The following THBS4 variants were observed in gnomAD, a reference collection of about 807,000 sequenced individuals.
THBS4 encodes thrombospondin-4.
Under a neutral mutation model 115.7 loss-of-function variants are expected in THBS4, and 90 were observed. The observed-to-expected ratio is 0.78, with a 90% confidence interval of 0.66 to 0.93. The LOEUF (loss-of-function observed/expected upper bound fraction) is 0.93. THBS4 is among the 40% of genes least tolerant of loss of function. The pLI is 0.00. For synonymous variants in THBS4, 460 were observed against 479.3 expected (o/e 0.96, Z 0.53); for missense variants, 1,087 against 1,232.7 (o/e 0.88, Z 1.77).
rs1743250743 is a variant in THBS4, at chr5:80,076,990, G to GC, written c.2033dup (p.Gly679TrpfsTer16). On this transcript the variant is annotated frameshift_variant, in exon 16 of 22. Transcript: ENST00000350881. LOFTEE classifies it high-confidence loss of function. ...ACAATGATGGTATCCCAGACCTGGT[G>GC]CCCCCTGGACCAGACAACTGCCGGC... is the stretch of plus-strand genomic sequence containing the variant. 1 of 1,613,386 alleles carries GC rather than the reference G, an allele frequency of 6.2e-7. No individual in the cohort carries two copies. Among genetic ancestry groups the GC allele is most frequent in the Non-Finnish European group, 8.5e-7 (1 of 1,179,736 alleles).
intron 2 of THBS4, among the ~76,000 whole-genome samples, chr5:80,051,865 G>A (rs1247709871): frequency 6.6e-6 from 1 of 152,140 alleles, no homozygotes. Context: ...ACCCTGTGAA[G>A]CCCTGTTAAA....
chr5:80,083,055 C>G lies in THBS4; in HGVS notation c.2825-25C>G, dbSNP rs756395381. ...CCGGGGTGGAAGGAGCCTCGCTAAC[C>G]TCCCTGTGCCCATTCCTATTGCAGA... On this transcript the variant is annotated intron_variant, in intron 21 of 21. Transcript: ENST00000350881. 9.4e-5 allele frequency: 152 copies of G among 1,609,954 alleles called. No individual in the cohort carries two copies. In the East Asian group the frequency reaches 3.3e-3, roughly 35 times the overall value.
Position 80,055,865 on chromosome 5 carries a change from C to T in THBS4, c.373C>T (p.His125Tyr), listed in dbSNP as rs1178260688. 7 of 1,614,192 alleles carry T rather than the reference C, an allele frequency of 4.3e-6. No individual in the cohort carries two copies. Among genetic ancestry groups the T allele is most frequent in the Non-Finnish European group, 5.1e-6 (6 of 1,180,010 alleles). Residue 125 changes from histidine to tyrosine, a missense_variant, in exon 3 of 22, where the codon CAC (histidine) becomes TAC (tyrosine). Physicochemically the swap from His to Tyr is moderately conservative, Grantham distance 83. This residue lies in a region of THBS4 where 979 missense variants were observed against 1,103.7 expected (regional missense o/e 0.89). Transcript: ENST00000350881. ...CCTGCAGCTGGCAGACGGAAGGCGGCACAGGATCCTCCTGAGGCTGAGCAA... is the reference window on the plus strand; with the variant it reads ...CCTGCAGCTGGCAGACGGAAGGCGGTACAGGATCCTCCTGAGGCTGAGCAA... The part of the protein sequence containing the change: ...NNLQLADGRR[H>Y]RILLRLSNLQ...
At chr5:80,038,971 T>A (rs941363812) in intron 1 of THBS4, among the ~76,000 whole-genome samples, 1 of 152,218 alleles carries the variant, frequency 6.6e-6, no homozygotes. Context: ...CGTTATTGTT[T>A]AAGTTAGCAA....
Position 80,071,117 on chromosome 5 carries a change from G to A in THBS4, c.1657G>A (p.Asp553Asn), listed in dbSNP as rs552075794. 3.7e-6 allele frequency: 6 copies of A among 1,609,562 alleles called. No individual in the cohort carries two copies. The highest frequency in any genetic ancestry group is 4.2e-6 in the Non-Finnish European group (5 of 1,178,980). Residue 553 changes from aspartate to asparagine, a missense_variant, in exon 13 of 22, where the codon GAC (aspartate) becomes AAC (asparagine). Around this residue, in one of 3 missense-constraint regions of THBS4, gnomAD observed 979 missense variants for 1,103.7 expected, o/e 0.89. Transcript: ENST00000350881. ...CDNCLSVLNNDQKDTDGDGRG... is the reference protein window; with the variant it reads ...CDNCLSVLNNNQKDTDGDGRG... ...TAACTGCCTGAGTGTCTTAAATAAC[G>A]ACCAGAAAGACACCGATGGGGATGG...
chr5:80,006,998 G>A (rs777451049), intron 2 of THBS4, among the ~76,000 whole-genome samples: 2 of 152,198 alleles, frequency 1.3e-5, no homozygotes, highest in South Asian at 4.1e-4. Context: ...TGCCTGAGGT[G>A]CATAAATGAA....
chr5:80,024,423 G>C (rs942766123), intron 2 of THBS4, among the ~76,000 whole-genome samples: 6 of 152,090 alleles, frequency 3.9e-5, no homozygotes, highest in Admixed American at 2.0e-4. Context: ...GATATGTTAC[G>C]CACCACCCTA....
intron 1 of THBS4, chr5:80,036,284 A>G (rs948065357): frequency 5.1e-6 from 4 of 789,642 alleles, no homozygotes; most frequent in Non-Finnish European, 6.1e-6. Flanking sequence ...AGGCAGGAAC[A>G]GAAAAGCAAA....
chr5:80,074,113 C>T (rs1743067069), intron 15 of THBS4, among the ~76,000 whole-genome samples: 1 of 152,214 alleles, frequency 6.6e-6, no homozygotes, highest in South Asian at 2.1e-4. Flanking sequence ...ATATACATAG[C>T]ACTCAATAGA....
At chr5:80,007,086 A>C (rs971349157) in intron 2 of THBS4, among the ~76,000 whole-genome samples, 4 of 152,182 alleles carry the variant, frequency 2.6e-5, no homozygotes, top group Non-Finnish European at 5.9e-5. Context: ...TCTCAGAAGG[A>C]GCAGAGACAA....
At chr5:80,077,824 A>T (rs1743289306) in intron 16 of THBS4, among the ~76,000 whole-genome samples, 1 of 152,044 alleles carries the variant, frequency 6.6e-6, no homozygotes, top group African/African-American at 2.4e-5. Context: ...CTTTCAAAAA[A>T]CTCTGGGAGG....
intron 2 of THBS4, among the ~76,000 whole-genome samples, chr5:80,006,611 C>T (rs1207511270): frequency 6.6e-6 from 1 of 152,208 alleles, no homozygotes. Flanking sequence ...TCTTGCCACT[C>T]ACTGTCAGAT....
chr5:80,045,746 A>G (rs256442), intron 2 of THBS4, among the ~76,000 whole-genome samples: 83,921 of 151,748 alleles, frequency 0.55, 23,664 homozygotes, highest in African/African-American at 0.66. Flanking sequence ...GGTCAGGCTG[A>G]TCTCAAACTC....
At chr5:80,037,922 G>A (rs1296758647) in intron 1 of THBS4, among the ~76,000 whole-genome samples, 1 of 152,172 alleles carries the variant, frequency 6.6e-6, no homozygotes, top group Admixed American at 6.5e-5. Flanking sequence ...TAGGCACTAA[G>A]AGGAGCACAG....
intron 2 of THBS4, among the ~76,000 whole-genome samples, chr5:80,051,518 C>A (rs561229634): frequency 6.6e-6 from 1 of 152,210 alleles, no homozygotes; most frequent in African/African-American, 2.4e-5. Flanking sequence ...TCCTTCCCTG[C>A]GTTTTCTTTT....
chr5:80,054,200 G>A (rs1833347805), intron 2 of THBS4, among the ~76,000 whole-genome samples: 1 of 147,166 alleles, frequency 6.8e-6, no homozygotes, highest in Admixed American at 6.8e-5. Context: ...TTTTGCCCAG[G>A]CTGGAGTGCA....
chr5:80,000,429 C>G (rs1831876120), intron 2 of THBS4, among the ~76,000 whole-genome samples: 1 of 152,178 alleles, frequency 6.6e-6, no homozygotes. Context: ...ATTGCATTTT[C>G]TTCTCCCACA....
chr5:80,014,285 G>T (rs182715592), intron 2 of THBS4, among the ~76,000 whole-genome samples: 1 of 152,138 alleles, frequency 6.6e-6, no homozygotes, highest in African/African-American at 2.4e-5. Context: ...TGGATGTAAC[G>T]GTGGCCTCCA....
intron 1 of THBS4, among the ~76,000 whole-genome samples, chr5:79,997,698 A>G (rs1831823104): frequency 6.6e-6 from 1 of 152,230 alleles, no homozygotes; most frequent in Non-Finnish European, 1.5e-5. Flanking sequence ...AGCAGAACAT[A>G]CATTATTTTT....
Sources: allele counts gnomAD v4.1 joint callset (sites outside exome capture counted in the v4.1 genomes callset), GRCh38; gene constraint gnomAD v4.1.1; regional missense constraint gnomAD v4.1.1; transcripts MANE v1.5; gene names NCBI Gene and HGNC (gene_info 2026-07-23, HGNC 2026-07-21).